The following PNLIPRP3 variants were observed in gnomAD, a reference collection of about 807,000 sequenced individuals.
The protein encoded by PNLIPRP3 is pancreatic lipase related protein 3, also known as pancreatic lipase-related protein 3.
In PNLIPRP3, 58 loss-of-function variants were observed where a neutral mutation model predicts 52.8. The ratio of observed to expected loss-of-function variants is 1.10; its 90% confidence interval spans 0.89 to 1.37. The LOEUF (loss-of-function observed/expected upper bound fraction) is 1.37, where lower values mean the gene tolerates loss of function less well. Ranked by LOEUF, PNLIPRP3 falls within the 40% of genes most tolerant of loss-of-function variation. The pLI, the probability that PNLIPRP3 is intolerant of heterozygous loss-of-function variation, is 0.00. For synonymous variants in PNLIPRP3, 192 were observed against 185.0 expected, an observed-to-expected ratio of 1.04 and a Z score of -0.31; for missense variants, 593 against 561.6, an observed-to-expected ratio of 1.06 and a Z score of -0.57.
chr10:116,435,463 C>A (rs544783215), intron 1 of PNLIPRP3, among the ~76,000 whole-genome samples: 79 of 146,126 alleles, frequency 5.4e-4, no homozygotes, highest in South Asian at 4.5e-3. Flanking sequence ...AAAAAACCAA[C>A]CAAACAAAAA....
rs563930071 is a variant in PNLIPRP3, at chr10:116,472,070, C to T, written c.1172+191C>T. Among the ~76,000 whole-genome samples the T allele has an allele frequency of 2.0e-5, 3 of 152,240 alleles. No individual in the cohort carries two copies. In the East Asian group the frequency reaches 5.8e-4, roughly 29 times the overall value. ...GAAATCATAATATGTATTTTCTCTA[C>T]AGTTCCAACTAGAAACAGAAAATGT... On this transcript the variant is annotated intron_variant, in intron 10 of 11. Coordinates refer to ENST00000369230, the MANE Select transcript of PNLIPRP3 (RefSeq NM_001011709.3).
At chr10:116,446,055 G>A (rs1026717977) in intron 4 of PNLIPRP3, among the ~76,000 whole-genome samples, 4 of 152,068 alleles carry the variant, frequency 2.6e-5, no homozygotes, top group East Asian at 1.9e-4. Context: ...TTAAAATAGC[G>A]GCAACAGTCG....
chr10:116,437,284 A>C (rs1845788060), intron 2 of PNLIPRP3, among the ~76,000 whole-genome samples: 1 of 152,206 alleles, frequency 6.6e-6, no homozygotes, highest in Non-Finnish European at 1.5e-5. Context: ...CTGTGATGTA[A>C]GATGCAACTG....
At chr10:116,476,573 T>G in intron 10 of PNLIPRP3, 79 bp from the exon 11 acceptor site, 1 of 1,150,310 alleles carries the variant, frequency 8.7e-7, no homozygotes, top group South Asian at 1.7e-5. Context: ...TCTTCCATAG[T>G]GCATACACAG....
chr10:116,452,803 G>A (rs1846057161), intron 4 of PNLIPRP3, among the ~76,000 whole-genome samples: 2 of 152,250 alleles, frequency 1.3e-5, no homozygotes, highest in Admixed American at 1.3e-4. Flanking sequence ...TTCAGAGGAT[G>A]TATAGATAAG....
intron 4 of PNLIPRP3, among the ~76,000 whole-genome samples, chr10:116,453,748 T>C (rs1307660910): frequency 6.6e-6 from 1 of 152,158 alleles, no homozygotes; most frequent in African/African-American, 2.4e-5. Flanking sequence ...CCGATGATTC[T>C]AAGCTCCCTG....
chr10:116,475,495 G>A (rs541783846), intron 10 of PNLIPRP3, among the ~76,000 whole-genome samples: 1 of 152,318 alleles, frequency 6.6e-6, no homozygotes, highest in Admixed American at 6.5e-5. Context: ...GGGCTGCAAT[G>A]TATGGGCAAT....
intron 3 of PNLIPRP3, among the ~76,000 whole-genome samples, chr10:116,443,809 A>G (rs1222643252): frequency 0.04 from 207 of 5,150 alleles, 2 homozygotes; most frequent in Non-Finnish European, 0.21. Flanking sequence ...GTGCATATAT[A>G]TATATATATA....
At chr10:116,442,770 G>A (rs961778074) in intron 2 of PNLIPRP3, among the ~76,000 whole-genome samples, 5 of 151,992 alleles carry the variant, frequency 3.3e-5, no homozygotes, top group Non-Finnish European at 5.9e-5. Flanking sequence ...AGGCTGAGGC[G>A]GCCAGATGGC....
intron 10 of PNLIPRP3, among the ~76,000 whole-genome samples, chr10:116,473,577 A>G (rs905665063): frequency 1.1e-4 from 17 of 152,166 alleles, no homozygotes; most frequent in Admixed American, 2.6e-4. Flanking sequence ...GCTGGAGTGT[A>G]GTGGCATGAT....
chr10:116,449,214 A>C (rs1277906301), intron 4 of PNLIPRP3, among the ~76,000 whole-genome samples: 1 of 152,168 alleles, frequency 6.6e-6, no homozygotes, highest in Non-Finnish European at 1.5e-5. Flanking sequence ...GAGACAAAAC[A>C]AACAAAAAAC....
chr10:116,471,950 G>A, intron 10 of PNLIPRP3, 71 bp downstream of exon 10: 1 of 907,196 alleles, frequency 1.1e-6, no homozygotes, highest in Admixed American at 2.5e-5. Flanking sequence ...GACTGGCTCA[G>A]TAAGCTGTTT....
chr10:116,431,194 G>C (rs1845705064), intron 1 of PNLIPRP3, among the ~76,000 whole-genome samples: 1 of 152,080 alleles, frequency 6.6e-6, no homozygotes, highest in Non-Finnish European at 1.5e-5. Flanking sequence ...AGCCACCACT[G>C]ACTTTTATCT....
chr10:116,454,996 T>A (rs1237766559), intron 4 of PNLIPRP3, among the ~76,000 whole-genome samples: 2 of 152,200 alleles, frequency 1.3e-5, no homozygotes. Flanking sequence ...CTATTTACGT[T>A]CCCTCCACAG....
At chr10:116,437,491 G>A (rs781762071) in intron 2 of PNLIPRP3, among the ~76,000 whole-genome samples, 11 of 152,176 alleles carry the variant, frequency 7.2e-5, no homozygotes, top group Non-Finnish European at 1.2e-4. Context: ...TCTGATGAAT[G>A]ACGTGTTGGG....
intron 3 of PNLIPRP3, among the ~76,000 whole-genome samples, chr10:116,443,765 A>ATG (rs1177928611): frequency 1.5e-4 from 19 of 123,318 alleles, no homozygotes; most frequent in East Asian, 1.5e-3. Context: ...GTGTGTGTGT[A>ATG]TGTGTGTGTG....
rs543412958 is a variant in PNLIPRP3 at position 116,475,130 on chromosome 10, G to T, written c.1173-1522G>T. On this transcript the variant is annotated intron_variant, in intron 10 of 11. Coordinates refer to ENST00000369230, the MANE Select transcript of PNLIPRP3 (RefSeq NM_001011709.3). ...AAAAAAGAATGAGATCATGTCCTTT[G>T]CAGGAACATGGATGGAGCTGGAGGC... Among the ~76,000 whole-genome samples the T allele has an allele frequency of 3.0e-3, 460 of 152,288 alleles. 4 individuals carry two copies. The highest frequency in any genetic ancestry group is 0.011 in the African/African-American group (447 of 41,562).
At chr10:116,439,616 A>G in intron 2 of PNLIPRP3, 2 of 768,682 alleles carry the variant, frequency 2.6e-6, no homozygotes, top group Admixed American at 3.5e-5. Context: ...TTGCCACCTT[A>G]GTGATGTAAG....
chr10:116,432,919 C>T (rs1226752523), intron 1 of PNLIPRP3, among the ~76,000 whole-genome samples: 1 of 151,648 alleles, frequency 6.6e-6, no homozygotes, highest in East Asian at 1.9e-4. Flanking sequence ...TCCAGACTAG[C>T]TTGGCTAACA....
Sources: gnomAD v4.1 joint callset for allele counts (sites outside exome capture counted in the v4.1 genomes callset) on GRCh38, gnomAD v4.1.1 for gene constraint, MANE v1.5 for transcripts, NCBI Gene and HGNC (gene_info 2026-07-23, HGNC 2026-07-21) for gene names.